SAMMSON: variants seen among roughly 807,000 people sequenced by gnomAD.
SAMMSON encodes the protein survival associated mitochondrial melanoma specific oncogenic non-coding RNA.
chr3:70,390,431 C>G (rs573408393), downstream of SAMMSON, among the ~76,000 whole-genome samples: 1 of 152,080 alleles, frequency 6.6e-6, no homozygotes, highest in Admixed American at 6.6e-5. Context: ...TTAATTGGCT[C>G]ATGGTTCTGC....
chr3:70,272,761 C>T (rs553543863), intron 6 of SAMMSON, among the ~76,000 whole-genome samples: 1 of 152,228 alleles, frequency 6.6e-6, no homozygotes, highest in Admixed American at 6.5e-5. Flanking sequence ...TCTAAATTCC[C>T]CTTGCTTTCT....
At chr3:70,082,202 G>C (rs537905953) in intron 4 of SAMMSON, among the ~76,000 whole-genome samples, 3 of 152,278 alleles carry the variant, frequency 2.0e-5, no homozygotes, top group Non-Finnish European at 4.4e-5. Context: ...GTGGGTATTA[G>C]GAGACCCACT....
intron 2 of SAMMSON, among the ~76,000 whole-genome samples, chr3:70,414,195 G>T (rs1398282762): frequency 1.3e-5 from 2 of 152,000 alleles, no homozygotes; most frequent in African/African-American, 4.8e-5. Context: ...AAACTGATTT[G>T]CTCTGGTTCA....
In SAMMSON at chr3:70,360,325, C is replaced by T. The variant is rs192633050; in HGVS notation, n.913+2001C>T. Among the ~76,000 whole-genome samples the T allele has an allele frequency of 5.9e-5, 9 of 152,244 alleles. No individual in the cohort carries two copies. In the East Asian group the frequency reaches 1.7e-3, roughly 29 times the overall value. On this transcript the variant is annotated intron_variant and non_coding_transcript_variant, in intron 9 of 9. Coordinates refer to ENST00000642114, the Ensembl canonical transcript of SAMMSON. ...GATTCTGCATCATTGAACGTTACAACTTAAGTATACAATAAGGACGGGACC... is the reference window on the plus strand; with the variant it reads ...GATTCTGCATCATTGAACGTTACAATTTAAGTATACAATAAGGACGGGACC...
At chr3:70,163,086 A>G (rs1323526144) in intron 4 of SAMMSON, among the ~76,000 whole-genome samples, 1 of 151,152 alleles carries the variant, frequency 6.6e-6, no homozygotes, top group African/African-American at 2.4e-5. Flanking sequence ...CTTTTTTTTC[A>G]TTATCTAGTC....
chr3:70,289,395 T>A (rs1702206041), intron 6 of SAMMSON, among the ~76,000 whole-genome samples: 1 of 150,170 alleles, frequency 6.7e-6, no homozygotes. Context: ...GCCCCCACTC[T>A]CTTCTGGCTT....
intron 3 of SAMMSON, among the ~76,000 whole-genome samples, chr3:70,018,039 A>G (rs371039452): frequency 7.9e-5 from 12 of 152,134 alleles, no homozygotes; most frequent in Middle Eastern, 3.4e-3. Context: ...ATTGGTCTAA[A>G]ATTCTCTTTT....
At chr3:70,276,733 T>C (rs567188853) in intron 6 of SAMMSON, among the ~76,000 whole-genome samples, 1 of 152,270 alleles carries the variant, frequency 6.6e-6, no homozygotes, top group African/African-American at 2.4e-5. Context: ...CATTAATTTA[T>C]GTATTATCTG....
chr3:70,432,232 G>A (rs1701419759), intron 2 of SAMMSON, among the ~76,000 whole-genome samples: 2 of 151,722 alleles, frequency 1.3e-5, no homozygotes, highest in African/African-American at 2.4e-5. Flanking sequence ...TCTTATGGAT[G>A]TGAAGTGTTA....
intron 4 of SAMMSON, among the ~76,000 whole-genome samples, chr3:70,083,258 G>A (rs556439602): frequency 5.9e-5 from 9 of 152,220 alleles, no homozygotes; most frequent in East Asian, 5.8e-4. Flanking sequence ...TTCTGAGGCC[G>A]CATGTGACTA....
At chr3:70,261,932 G>A (rs916676567) in intron 6 of SAMMSON, among the ~76,000 whole-genome samples, 1 of 152,092 alleles carries the variant, frequency 6.6e-6, no homozygotes, top group Non-Finnish European at 1.5e-5. Context: ...AAACGGCCAA[G>A]TTTAAAGCCC....
chr3:70,354,743 A>T (rs1343574320), intron 8 of SAMMSON, among the ~76,000 whole-genome samples: 1 of 151,976 alleles, frequency 6.6e-6, no homozygotes, highest in African/African-American at 2.4e-5. Flanking sequence ...TGGTTTGAGG[A>T]CTCCACAACA....
At chr3:70,004,030 C>G (rs1441685262) in intron 1 of SAMMSON, among the ~76,000 whole-genome samples, 1 of 150,164 alleles carries the variant, frequency 6.7e-6, no homozygotes, top group African/African-American at 2.4e-5. Flanking sequence ...CTTTCTGTTT[C>G]TTTTGTCTTT....
chr3:70,134,359 CTTT>C (rs71620118), intron 4 of SAMMSON, among the ~76,000 whole-genome samples: 1 of 140,086 alleles, frequency 7.1e-6, no homozygotes, highest in African/African-American at 2.6e-5. Context: ...ATTTTTTTAA[CTTT>C]TTTTTTTTTT....
chr3:70,288,013 C>A (rs1163631131), intron 6 of SAMMSON, among the ~76,000 whole-genome samples: 2 of 151,940 alleles, frequency 1.3e-5, no homozygotes, highest in Non-Finnish European at 2.9e-5. Flanking sequence ...AAACCAGCTC[C>A]TGGATTCATT....
At chr3:70,307,203 T>G (rs988195095) in intron 7 of SAMMSON, among the ~76,000 whole-genome samples, 6 of 152,090 alleles carry the variant, frequency 3.9e-5, no homozygotes, top group Non-Finnish European at 7.4e-5. Flanking sequence ...GTTTTGGTGG[T>G]GGTGTTGTTA....
intron 7 of SAMMSON, among the ~76,000 whole-genome samples, chr3:70,294,969 C>G (rs1702275588): frequency 6.6e-6 from 1 of 152,084 alleles, no homozygotes; most frequent in Non-Finnish European, 1.5e-5. Flanking sequence ...AACAAAAACC[C>G]CAAAAACCTT....
intron 3 of SAMMSON, among the ~76,000 whole-genome samples, chr3:70,061,207 TG>T (rs1290923529): frequency 6.6e-6 from 1 of 151,910 alleles, no homozygotes; most frequent in Non-Finnish European, 1.5e-5. Context: ...AATTTGGGTT[TG>T]CGTGTGTTGT....
At chr3:70,405,346 A>G (rs1165917562) in intron 2 of SAMMSON, among the ~76,000 whole-genome samples, 1 of 152,240 alleles carries the variant, frequency 6.6e-6, no homozygotes, top group Admixed American at 6.5e-5. Flanking sequence ...GCATTTAACA[A>G]TATCTAAAAA....
Sources: gnomAD v4.1 joint callset for allele counts (sites outside exome capture counted in the v4.1 genomes callset) on GRCh38, gnomAD v4.1.1 for gene constraint, MANE v1.5 for transcripts, NCBI Gene and HGNC (gene_info 2026-07-23, HGNC 2026-07-21) for gene names.